The following PDCD1 variants were observed in gnomAD, a reference collection of about 807,000 sequenced individuals.
The protein encoded by PDCD1 is programmed cell death 1, also known as programmed cell death protein 1.
PDCD1 carries 10 observed loss-of-function variants against 23.6 expected under a neutral mutation model. The observed-to-expected ratio is 0.42, with a 90% CI of 0.26 to 0.72. The LOEUF (loss-of-function observed/expected upper bound fraction) is 0.72. Ranked by LOEUF, PDCD1 falls within the 30% of genes least tolerant of loss-of-function variation. The pLI, the probability that PDCD1 is intolerant of heterozygous loss-of-function variation, is 0.24. For synonymous variants in PDCD1, 168 were observed against 169.3 expected, an observed-to-expected ratio of 0.99 and a Z score of 0.06; for missense variants, 313 against 397.8, an observed-to-expected ratio of 0.79 and a Z score of 1.81.
chr2:241,858,495 G>A (rs1217525065), intron 1 of PDCD1, among the ~76,000 whole-genome samples: 1 of 145,302 alleles, frequency 6.9e-6, no homozygotes, highest in African/African-American at 2.5e-5. Flanking sequence ...AGGAGTTGGG[G>A]CCCAGAGAGG....
Position 241,851,062 on chromosome 2 carries a change from A to T in PDCD1, c.863T>A (p.Leu288His). 3 of 1,609,544 alleles carry T rather than the reference A, an allele frequency of 1.9e-6. No homozygotes were observed. The highest frequency in any genetic ancestry group is 2.5e-6 in the Non-Finnish European group (3 of 1,177,646). ...ACTGGTGGCCAAGGAAGCCGGTCAG[A>T]GGGGCCAAGAGCAGTGTCCATCCTC... ...RPEDGHCSWP[L>H] The change falls in exon 5 of 5, where the codon CTC becomes CAC. Residue 288 changes from leucine to histidine, a missense_variant. By Grantham distance (99) the Leu-to-His change is moderately conservative (BLOSUM62 -3). Transcript: ENST00000334409.
chr2:241,853,385 G>A (rs966875112), intron 1 of PDCD1, among the ~76,000 whole-genome samples: 2 of 152,262 alleles, frequency 1.3e-5, no homozygotes, highest in African/African-American at 4.8e-5. Context: ...CTGGGTGGGT[G>A]GGGGGCTGCC....
chr2:241,853,064 AG>A (rs1202005316), intron 1 of PDCD1, 84 bp from the exon 2 acceptor site: 1 of 1,468,878 alleles, frequency 6.8e-7, no homozygotes, highest in Non-Finnish European at 9.1e-7. Flanking sequence ...TCGGGCAGCA[AG>A]GGCTCTGGAA....
chr2:241,857,290 T>G (rs376261546), intron 1 of PDCD1, among the ~76,000 whole-genome samples: 148 of 152,366 alleles, frequency 9.7e-4, no homozygotes, highest in African/African-American at 3.2e-3. Context: ...TGCCCTGTGC[T>G]GTTACCAGTG....
At position 241,851,160 on chromosome 2, in the gene PDCD1, G is replaced by C. The variant is rs141228784; in HGVS notation, c.765C>G (p.Ser255Arg). ...QTEYATIVFPSGMGTSSPARR... is the reference protein window; with the variant it reads ...QTEYATIVFPRGMGTSSPARR... ...GGGCGGGGGATGAGGTGCCCATTCC[G>C]CTAGGAAAGACAATGGTGGCATACT... The change falls in exon 5 of 5, where the codon AGC becomes AGG. Residue 255 changes from serine (S) to arginine (R), a missense_variant. Ser to Arg is a moderately radical substitution (Grantham distance 110). Transcript: ENST00000334409. 6.2e-7 allele frequency: 1 copy of C among 1,613,538 alleles called. No individual in the cohort carries two copies. The highest frequency in any genetic ancestry group is 1.7e-5 in the Admixed American group (1 of 60,020).
rs761449895 is a variant in PDCD1 at position 241,858,854 on chromosome 2, ACCAGAGTG to A, written c.-24_-17del. 3.2e-6 allele frequency: 5 copies of A among 1,560,844 alleles called. No individual in the cohort carries two copies. The East Asian group carries it at 9.5e-5, about 30-fold the overall frequency. ...GGATCTGCATGCCTGGAGCAGCCCC[ACCAGAGTG>A]CCGCCTTCTCCACTGCTCAGGCGGA... On this transcript the variant is annotated 5_prime_UTR_variant, in exon 1 of 5. Coordinates refer to ENST00000334409, the MANE Select transcript of PDCD1 (RefSeq NM_005018.3).
chr2:241,856,066 G>C (rs909792269), intron 1 of PDCD1, among the ~76,000 whole-genome samples: 1 of 152,188 alleles, frequency 6.6e-6, no homozygotes, highest in Non-Finnish European at 1.5e-5. Flanking sequence ...AGAGATGAAG[G>C]CAGAGCCTGG....
At chr2:241,856,035 C>T (rs1701017376) in intron 1 of PDCD1, among the ~76,000 whole-genome samples, 1 of 152,190 alleles carries the variant, frequency 6.6e-6, no homozygotes. Flanking sequence ...GGCCTGGCTT[C>T]CTGTACAGAG....
At chr2:241,852,521 C>T in intron 2 of PDCD1, 100 bp downstream of exon 2, 1 of 1,415,958 alleles carries the variant, frequency 7.1e-7, no homozygotes, top group Non-Finnish European at 9.5e-7. Context: ...CTGGGGGGTC[C>T]CTGCCCTACG....
At chr2:241,852,398 A>AGGGTCG (rs771626786) in intron 2 of PDCD1, 45 bp from the exon 3 acceptor site, 50 of 1,300,210 alleles carry the variant, frequency 3.8e-5, no homozygotes, top group Non-Finnish European at 5.2e-5. Context: ...GTCAGGGTGG[A>AGGGTCG]GGGTCAGGGT....
At chr2:241,853,091 G>T in intron 1 of PDCD1, 111 bp from the exon 2 acceptor site, 2 of 1,293,332 alleles carry the variant, frequency 1.5e-6, no homozygotes, top group South Asian at 1.5e-5. Flanking sequence ...ACCCCAGCTG[G>T]AATGTCATTG....
intron 1 of PDCD1, among the ~76,000 whole-genome samples, chr2:241,857,216 C>T (rs1000350301): frequency 7.9e-5 from 12 of 152,184 alleles, no homozygotes; most frequent in African/African-American, 1.9e-4. Flanking sequence ...CCACTGCGGC[C>T]GGGGTGGCCA....
intron 1 of PDCD1, among the ~76,000 whole-genome samples, chr2:241,854,925 A>G (rs1257833216): frequency 1.3e-5 from 2 of 152,210 alleles, no homozygotes; most frequent in African/African-American, 4.8e-5. Flanking sequence ...TCCACACCGC[A>G]ATGTCCCTGG....
chr2:241,851,524 G>A (rs184742563), intron 4 of PDCD1, among the ~76,000 whole-genome samples: 4 of 152,334 alleles, frequency 2.6e-5, no homozygotes, highest in Admixed American at 2.6e-4. Context: ...GCAGATTTAG[G>A]ATTCCAAAAT....
Position 241,851,991 on chromosome 2 carries a change from GA to G in PDCD1, c.593-9del. 6.2e-7 allele frequency: 1 copy of G among 1,611,926 alleles called. No individual in the cohort carries two copies. On this transcript the variant is annotated splice_polypyrimidine_tract_variant and intron_variant, in intron 3 of 4. Transcript: ENST00000334409. ...GCCTGGCTCCTATTGTCCCTGCAGA[GA>G]AACACACTTGGGGTCACCAGGCCGA...
chr2:241,853,003 G>A (rs41501648), intron 1 of PDCD1, 23 bp from the exon 2 acceptor site: 8 of 1,535,640 alleles, frequency 5.2e-6, no homozygotes, highest in South Asian at 1.2e-5. Flanking sequence ...GAGAGGTGAG[G>A]AAGGGGCTGG....
At chr2:241,854,740 C>A (rs143321972) in intron 1 of PDCD1, among the ~76,000 whole-genome samples, 2 of 152,030 alleles carry the variant, frequency 1.3e-5, no homozygotes, top group Non-Finnish European at 2.9e-5. Context: ...GGCAGCCCCT[C>A]GGGGTCTCCA....
intron 4 of PDCD1, 25 bp downstream of exon 4, chr2:241,851,924 C>A (rs769177977): frequency 6.2e-7 from 1 of 1,612,036 alleles, no homozygotes; most frequent in South Asian, 1.1e-5. Context: ...CACAGTGGAT[C>A]ATGCAGGAAA....
intron 1 of PDCD1, among the ~76,000 whole-genome samples, chr2:241,858,015 C>T (rs572828113): frequency 6.6e-6 from 1 of 152,288 alleles, no homozygotes; most frequent in East Asian, 1.9e-4. Flanking sequence ...GGCCCAGGGT[C>T]ACGGGCAGCC....
Sources: allele counts gnomAD v4.1 joint callset (sites outside exome capture counted in the v4.1 genomes callset), GRCh38; gene constraint gnomAD v4.1.1; transcripts MANE v1.5; gene names NCBI Gene and HGNC (gene_info 2026-07-23, HGNC 2026-07-21).